Variants in RYR2 observed in about 807,000 individuals in gnomAD.
The protein encoded by RYR2 is cardiac muscle ryanodine receptor-calcium release channel.
A neutral mutation model predicts 601.1 loss-of-function variants in RYR2; 227 were observed. The observed-to-expected ratio is 0.38, with a 90% CI of 0.34 to 0.42. RYR2 has a LOEUF of 0.42. RYR2 is among the 10% of genes least tolerant of loss of function. The pLI is 1.00. For synonymous variants in RYR2, 2,223 were observed against 2,175.1 expected, an observed-to-expected ratio of 1.02 and a Z score of -0.61; for missense variants, 4,646 against 6,156.5, an observed-to-expected ratio of 0.75 and a Z score of 8.21.
chr1:237,192,029 G>T (rs1259987587), intron 1 of RYR2, among the ~76,000 whole-genome samples: 1 of 152,052 alleles, frequency 6.6e-6, no homozygotes, highest in Non-Finnish European at 1.5e-5. Context: ...GGTGAAGTAG[G>T]CAGAACAGGA....
rs549232575 is a variant in RYR2, at chr1:237,174,245, A to G, written c.49-96252A>G. Among the ~76,000 whole-genome samples the G allele has an allele frequency of 2.0e-5, 3 of 152,286 alleles. No homozygotes were observed. In the East Asian group the frequency reaches 5.8e-4, roughly 29 times the overall value. On this transcript the variant is annotated intron_variant, in intron 1 of 104. Transcript: ENST00000366574. ...TTAGAGGATGGTGCGTTTATAATAA[A>G]TCGGTGTGGCAGAGTTTTCCTTAAG...
chr1:237,216,158 C>T (rs540226047), intron 1 of RYR2, among the ~76,000 whole-genome samples: 11 of 152,096 alleles, frequency 7.2e-5, no homozygotes, highest in African/African-American at 2.7e-4. Context: ...TATATTAGGA[C>T]CTTCAACTTA....
chr1:237,408,968 G>T (rs763038828), intron 10 of RYR2, among the ~76,000 whole-genome samples: 4 of 152,008 alleles, frequency 2.6e-5, no homozygotes, highest in Non-Finnish European at 5.9e-5. Context: ...TTAAATACGT[G>T]TTGTTCATTG....
intron 1 of RYR2, among the ~76,000 whole-genome samples, chr1:237,170,088 C>G (rs532979320): frequency 1.3e-5 from 2 of 151,880 alleles, no homozygotes; most frequent in Non-Finnish European, 2.9e-5. Context: ...AATAAGCAAA[C>G]AAGGTATTTG....
chr1:237,391,300 T>G (rs1009255619), intron 10 of RYR2, among the ~76,000 whole-genome samples: 2 of 152,090 alleles, frequency 1.3e-5, no homozygotes, highest in South Asian at 2.1e-4. Context: ...AAAATATACT[T>G]TTTTCATTCA....
intron 58 of RYR2, 85 bp downstream of exon 58, chr1:237,668,043 G>A: frequency 9.7e-7 from 1 of 1,032,926 alleles, no homozygotes; most frequent in South Asian, 1.6e-5. Flanking sequence ...CAGCACAACA[G>A]CTTATTATAA....
intron 1 of RYR2, among the ~76,000 whole-genome samples, chr1:237,114,795 A>G (rs986418190): frequency 2.0e-5 from 3 of 152,176 alleles, no homozygotes; most frequent in Non-Finnish European, 2.9e-5. Context: ...AAGTTACTCA[A>G]CCTCTCTGAT....
chr1:237,788,040 A>G lies in RYR2; in HGVS notation c.13381A>G (p.Lys4461Glu). The part of the protein sequence containing the change: ...EKAKEDKGKQ[K>E]LRQLHTHRYG... Reference sequence around the variant, plus strand: ...AGCCAAGGAAGACAAGGGCAAACAAAAGTTGAGGCAGCTTCACACACACAG... The same window carrying G: ...AGCCAAGGAAGACAAGGGCAAACAAGAGTTGAGGCAGCTTCACACACACAG... Residue 4461 changes from lysine (K) to glutamate (E), a missense_variant, in exon 92 of 105, where the codon AAG becomes GAG. Transcript: ENST00000366574. 7.5e-6 allele frequency: 12 copies of G among 1,609,548 alleles called. No homozygotes were observed. Among genetic ancestry groups the G allele is most frequent in the Non-Finnish European group, 1.0e-5 (12 of 1,177,538 alleles).
intron 14 of RYR2, among the ~76,000 whole-genome samples, chr1:237,452,093 G>GTA (rs1558842043): frequency 1.2e-5 from 1 of 83,888 alleles, no homozygotes; most frequent in East Asian, 4.7e-4. Context: ...GTGTGTGTGT[G>GTA]TGTGTGTGTG....
At position 237,491,757 on chromosome 1, in the gene RYR2, C is replaced by T. The variant is rs146351607; in HGVS notation, c.1709-49C>T. ...AAAAAGGAAGACACTGGTCATTGTA[C>T]ACCAATTAATCATGTGTTTTTTTTC... On this transcript the variant is annotated intron_variant, in intron 17 of 104. Transcript: ENST00000366574. 1.2e-3 allele frequency: 1,050 copies of T among 854,548 alleles called. 5 individuals carry two copies. The highest frequency in any genetic ancestry group is 2.0e-3 in the Admixed American group (93 of 47,238). The allele number at this position is 854,548 out of a possible 1,614,324, so 52.9% of individuals were successfully genotyped here. A position where few individuals can be genotyped will look rare whatever the true frequency, so the allele number is the denominator to read the frequency against.
intron 33 of RYR2, among the ~76,000 whole-genome samples, chr1:237,594,735 C>G (rs1272369418): frequency 6.6e-6 from 1 of 151,608 alleles, no homozygotes; most frequent in South Asian, 2.1e-4. Flanking sequence ...CTGGCTTTAG[C>G]CTTTTTTGCT....
chr1:237,718,864 G>C (rs1689477822), intron 73 of RYR2, among the ~76,000 whole-genome samples: 1 of 152,094 alleles, frequency 6.6e-6, no homozygotes, highest in Non-Finnish European at 1.5e-5. Context: ...TGCCATGTTG[G>C]TGTGCTGCAC....
At position 237,486,304 on chromosome 1, in the gene RYR2, A is replaced by C. The variant is rs546261567; in HGVS notation, c.1709-5502A>C. 1.6e-3 allele frequency among the ~76,000 whole-genome samples: 242 copies of C among 152,302 alleles called. 2 individuals are homozygous for C. The highest frequency in any genetic ancestry group is 5.6e-3 in the African/African-American group (233 of 41,584). On this transcript the variant is annotated intron_variant, in intron 17 of 104. Coordinates refer to ENST00000366574, the MANE Select transcript of RYR2 (RefSeq NM_001035.3). ...AAATCAACTTGGAATAGTCAACCTA[A>C]GTTCTTGTAACTCCTCACTACTAAG... is the stretch of plus-strand genomic sequence containing the variant.
chr1:237,065,289 TTTTTTTTC>T (rs1484501686), intron 1 of RYR2, among the ~76,000 whole-genome samples: 582 of 13,358 alleles, frequency 0.044, 40 homozygotes, highest in Middle Eastern at 0.25. Context: ...TTTTTTTTTT[TTTTTTTTC>T]GAGAGGGAGT....
At position 237,645,494 on chromosome 1, in the gene RYR2, T is replaced by C. The variant is rs113178331; in HGVS notation, c.7342+2047T>C. 7.1e-3 allele frequency among the ~76,000 whole-genome samples: 1,087 copies of C among 152,304 alleles called. 10 individuals carry two copies. Among genetic ancestry groups the C allele is most frequent in the East Asian group, 0.022 (115 of 5,180 alleles). On this transcript the variant is annotated intron_variant, in intron 48 of 104. Transcript: ENST00000366574. ...AAAATAGACACTATCAGGACAAAGA[T>C]AATAATAGTACCAGTGACATACAGA...
At chr1:237,473,683 G>A (rs142572012) in intron 17 of RYR2, among the ~76,000 whole-genome samples, 111 of 152,026 alleles carry the variant, frequency 7.3e-4, no homozygotes, top group African/African-American at 2.5e-3. Context: ...CCATGCCATC[G>A]ACCACCCAGG....
In RYR2 at chr1:237,528,150, T is replaced by A. The variant is rs1239333381; in HGVS notation, c.2823-2277T>A. ...TCAAAGAGAAGCCATAAAGTGCTTCTTTTAAGTGAAAAGGTGAATATTCTC... is the reference window on the plus strand; with the variant it reads ...TCAAAGAGAAGCCATAAAGTGCTTCATTTAAGTGAAAAGGTGAATATTCTC... On this transcript the variant is annotated intron_variant, in intron 24 of 104. Transcript: ENST00000366574. 2.6e-5 allele frequency among the ~76,000 whole-genome samples: 4 copies of A among 152,174 alleles called. No homozygotes were observed. In the East Asian group the frequency reaches 7.7e-4, roughly 29 times the overall value.
intron 32 of RYR2, among the ~76,000 whole-genome samples, chr1:237,592,494 G>T (rs1344725707): frequency 6.6e-6 from 1 of 151,934 alleles, no homozygotes; most frequent in African/African-American, 2.4e-5. Context: ...TTAGTGGAGT[G>T]TGGAGGTGGG....
At chr1:237,271,304 G>T (rs544635324) in intron 2 of RYR2, among the ~76,000 whole-genome samples, 3 of 152,188 alleles carry the variant, frequency 2.0e-5, no homozygotes, top group African/African-American at 7.2e-5. Flanking sequence ...TGAGACAATC[G>T]CTCCGAGGAT....
Sources: allele counts gnomAD v4.1 joint callset (sites outside exome capture counted in the v4.1 genomes callset), GRCh38; gene constraint gnomAD v4.1.1; transcripts MANE v1.5; gene names NCBI Gene and HGNC (gene_info 2026-07-23, HGNC 2026-07-21).